STK3: variants seen among roughly 807,000 people sequenced by gnomAD.
STK3 encodes serine/threonine kinase 3.
STK3 carries 41 observed loss-of-function variants against 58.0 expected under a neutral mutation model. That is an observed-to-expected ratio of 0.71 (90% CI 0.55 to 0.92). The LOEUF is 0.92. Ranked by LOEUF, STK3 falls within the 40% of genes least tolerant of loss-of-function variation. The pLI is 0.00. For synonymous variants in STK3, 170 were observed against 191.0 expected (o/e 0.89, Z 0.91); for missense variants, 479 against 602.7 (o/e 0.79, Z 2.15).
intron 6 of STK3, among the ~76,000 whole-genome samples, chr8:98,658,367 T>TCATG (rs1407467085): frequency 2.6e-5 from 4 of 152,006 alleles, no homozygotes; most frequent in South Asian, 4.2e-4. Context: ...ACCTGCAGGG[T>TCATG]CATGCTTGCA....
At chr8:98,484,040 T>C (rs1179411647) in intron 10 of STK3, among the ~76,000 whole-genome samples, 7 of 152,102 alleles carry the variant, frequency 4.6e-5, no homozygotes, top group Non-Finnish European at 1.0e-4. Flanking sequence ...GAACATAGAC[T>C]GAATGAGAAG....
At chr8:98,846,893 A>G (rs1836228430) in intron 3 of STK3, among the ~76,000 whole-genome samples, 1 of 151,194 alleles carries the variant, frequency 6.6e-6, no homozygotes, top group African/African-American at 2.4e-5. Context: ...ACACATTTTC[A>G]TATACTTTAA....
At chr8:98,861,591 G>A (rs375590202) in intron 3 of STK3, among the ~76,000 whole-genome samples, 10 of 151,796 alleles carry the variant, frequency 6.6e-5, no homozygotes, top group South Asian at 6.2e-4. Flanking sequence ...TGGGCAATCC[G>A]CCCACCTTGG....
At chr8:98,778,960 A>C (rs199841047) in intron 1 of STK3, 1 of 152,090 alleles carries the variant, frequency 6.6e-6, no homozygotes, top group Non-Finnish European at 1.5e-5. Flanking sequence ...CAGCACACCA[A>C]CATGGCACAT....
chr8:98,587,434 C>G (rs1286100556), intron 7 of STK3, among the ~76,000 whole-genome samples: 1 of 151,956 alleles, frequency 6.6e-6, no homozygotes, highest in African/African-American at 2.4e-5. Flanking sequence ...ATCCTGAGTT[C>G]TAGTTTGATT....
At chr8:98,423,163 C>A (rs1302849657) in intron 3 of STK3, among the ~76,000 whole-genome samples, 1 of 152,226 alleles carries the variant, frequency 6.6e-6, no homozygotes, top group Non-Finnish European at 1.5e-5. Context: ...CTTAACATAG[C>A]AGCTGGGGCC....
chr8:98,536,874 T>C (rs1310822438), intron 9 of STK3, among the ~76,000 whole-genome samples: 1 of 152,206 alleles, frequency 6.6e-6, no homozygotes, highest in Non-Finnish European at 1.5e-5. Context: ...AACATCCCAA[T>C]TTCAAACTTG....
At chr8:98,934,589 A>G (rs1840128319) in intron 1 of STK3, among the ~76,000 whole-genome samples, 1 of 152,232 alleles carries the variant, frequency 6.6e-6, no homozygotes, top group African/African-American at 2.4e-5. Context: ...ATGTAGAACC[A>G]ATGACAGTGA....
intron 6 of STK3, among the ~76,000 whole-genome samples, chr8:98,650,084 A>T (rs1172117180): frequency 6.6e-6 from 1 of 152,220 alleles, no homozygotes; most frequent in Non-Finnish European, 1.5e-5. Context: ...ATATACAACT[A>T]TTCACCAAAT....
At chr8:98,479,721 C>T (rs949151590) in intron 10 of STK3, among the ~76,000 whole-genome samples, 1 of 152,104 alleles carries the variant, frequency 6.6e-6, no homozygotes, top group African/African-American at 2.4e-5. Flanking sequence ...TATGAAGAAT[C>T]TGGAAAATGC....
At chr8:98,514,355 A>G (rs903175369) in intron 10 of STK3, among the ~76,000 whole-genome samples, 2 of 152,164 alleles carry the variant, frequency 1.3e-5, no homozygotes, top group African/African-American at 4.8e-5. Context: ...AGCATGCTTC[A>G]AAGTATGTTT....
chr8:98,515,794 A>G (rs1052085507), intron 10 of STK3, among the ~76,000 whole-genome samples: 1 of 151,516 alleles, frequency 6.6e-6, no homozygotes, highest in Non-Finnish European at 1.5e-5. Flanking sequence ...CTTTTTTAAA[A>G]TTTTATTATT....
intron 1 of STK3, among the ~76,000 whole-genome samples, chr8:98,379,815 G>A (rs1315420241): frequency 2.6e-5 from 4 of 152,184 alleles, no homozygotes; most frequent in Admixed American, 1.3e-4. Flanking sequence ...CAAAAGAATT[G>A]AAATCGGGAT....
chr8:98,623,238 G>A (rs1026929621), intron 6 of STK3, among the ~76,000 whole-genome samples: 2 of 151,606 alleles, frequency 1.3e-5, no homozygotes, highest in Non-Finnish European at 2.9e-5. Context: ...AAGAGAGGGG[G>A]AAAAAAGACA....
chr8:98,849,844 G>A (rs1836375477), intron 3 of STK3, among the ~76,000 whole-genome samples: 1 of 152,082 alleles, frequency 6.6e-6, no homozygotes, highest in Non-Finnish European at 1.5e-5. Flanking sequence ...GGTCAGCCTG[G>A]GTTACAGGCC....
intron 3 of STK3, among the ~76,000 whole-genome samples, chr8:98,856,816 C>A (rs1426690324): frequency 5.3e-5 from 8 of 152,266 alleles, no homozygotes; most frequent in African/African-American, 1.9e-4. Flanking sequence ...TGTCCATCAA[C>A]TAATGAACAG....
intron 8 of STK3, among the ~76,000 whole-genome samples, chr8:98,569,913 A>G (rs961389013): frequency 2.7e-5 from 4 of 147,374 alleles, no homozygotes; most frequent in East Asian, 2.0e-4. Context: ...AAAAAAAAAT[A>G]TGTGTGTGTG....
At chr8:98,469,005 AG>A (rs1329234463) in intron 10 of STK3, among the ~76,000 whole-genome samples, 3 of 152,062 alleles carry the variant, frequency 2.0e-5, no homozygotes, top group Non-Finnish European at 4.4e-5. Context: ...GCTACTCGGG[AG>A]GCTGAGGCAG....
intron 1 of STK3, among the ~76,000 whole-genome samples, chr8:98,816,914 G>A (rs955189371): frequency 6.6e-6 from 1 of 152,148 alleles, no homozygotes; most frequent in Non-Finnish European, 1.5e-5. Flanking sequence ...CACAAGTCAG[G>A]AAAATGATTA....
Sources: allele counts gnomAD v4.1 joint callset (sites outside exome capture counted in the v4.1 genomes callset), GRCh38; gene constraint gnomAD v4.1.1; transcripts MANE v1.5; gene names NCBI Gene and HGNC (gene_info 2026-07-23, HGNC 2026-07-21).